The following SDK1 variants were observed in gnomAD, a reference collection of about 807,000 sequenced individuals.
SDK1 encodes the protein protein sidekick-1.
In SDK1, 157 loss-of-function variants were observed where a neutral mutation model predicts 245.5. The ratio of observed to expected loss-of-function variants is 0.64; its 90% CI spans 0.56 to 0.73. The LOEUF (loss-of-function observed/expected upper bound fraction) is 0.73. Among genes scored for constraint, SDK1 ranks in the 30% least tolerant of loss-of-function variants. The probability of loss-of-function intolerance (pLI) is 0.00; values close to 1 mark genes in which losing one functional copy is unlikely to be tolerated. For synonymous variants in SDK1, 1,647 were observed against 1,278.5 expected (o/e 1.29, Z -6.15); for missense variants, 3,583 against 3,002.3 (o/e 1.19, Z -4.52).
At chr7:3,613,829 G>A (rs1781679779) in intron 1 of SDK1, among the ~76,000 whole-genome samples, 2 of 152,172 alleles carry the variant, frequency 1.3e-5, no homozygotes, top group South Asian at 2.1e-4. Flanking sequence ...TTTGCAGGGA[G>A]ATGGATGGAG....
At position 3,820,607 on chromosome 7, in the gene SDK1, A is replaced by G. The variant is rs1053662893; in HGVS notation, c.714-843A>G. On this transcript the variant is annotated intron_variant, in intron 4 of 44. Coordinates refer to ENST00000404826, the MANE Select transcript of SDK1 (RefSeq NM_152744.4). Reference sequence around the variant, plus strand: ...TTTCTTGTTTTTATTCTTTTTTAAAAATTAAGTAGTATAATGAGAGTCTTT... The same window carrying G: ...TTTCTTGTTTTTATTCTTTTTTAAAGATTAAGTAGTATAATGAGAGTCTTT... 2.6e-5 allele frequency among the ~76,000 whole-genome samples: 4 copies of G among 152,222 alleles called. No individual in the cohort carries two copies. In the East Asian group the frequency reaches 7.7e-4, roughly 29 times the overall value.
intron 35 of SDK1, among the ~76,000 whole-genome samples, chr7:4,204,835 G>C (rs1467909483): frequency 6.6e-6 from 1 of 152,218 alleles, no homozygotes; most frequent in African/African-American, 2.4e-5. Context: ...GAGTAGCAGA[G>C]AATAGGCCGT....
chr7:4,024,033 T>C (rs1355166482), intron 17 of SDK1, among the ~76,000 whole-genome samples: 2 of 152,262 alleles, frequency 1.3e-5, no homozygotes, highest in Non-Finnish European at 2.9e-5. Flanking sequence ...TAAATCATCA[T>C]TCTGAGCACA....
intron 5 of SDK1, among the ~76,000 whole-genome samples, chr7:3,824,466 G>C (rs553155131): frequency 6.6e-6 from 1 of 152,260 alleles, no homozygotes; most frequent in African/African-American, 2.4e-5. Context: ...TAAATTCCTG[G>C]TGGATTGTGC....
At chr7:3,572,024 A>G (rs1313903051) in intron 1 of SDK1, among the ~76,000 whole-genome samples, 2 of 152,178 alleles carry the variant, frequency 1.3e-5, no homozygotes, top group Admixed American at 1.3e-4. Flanking sequence ...CGTACACAAG[A>G]TTACTTGGCT....
At position 4,130,059 on chromosome 7, in the gene SDK1, C is replaced by G. The variant is rs1277218442; in HGVS notation, c.4091C>G (p.Pro1364Arg). 1.2e-6 allele frequency: 2 copies of G among 1,611,472 alleles called. No homozygotes were observed. Among genetic ancestry groups the G allele is most frequent in the Non-Finnish European group, 1.7e-6 (2 of 1,178,640 alleles). ...LAFTRIGNGVPSTPLILERTK... is the reference protein window; with the variant it reads ...LAFTRIGNGVRSTPLILERTK... ...TTCACCCGCATCGGGAACGGGGTCC[C>G]CAGCACGCCCCTCATCCTGGAGCGC... The change falls in exon 27 of 45, where the codon CCC becomes CGC. Residue 1364 changes from proline to arginine, a missense_variant. By Grantham distance (103) the Pro-to-Arg change is moderately radical. Coordinates refer to ENST00000404826, the MANE Select transcript of SDK1 (RefSeq NM_152744.4).
intron 4 of SDK1, among the ~76,000 whole-genome samples, chr7:3,665,190 A>G (rs1292446535): frequency 6.6e-6 from 1 of 152,152 alleles, no homozygotes; most frequent in Admixed American, 6.5e-5. Context: ...TGCCTCCTCA[A>G]CAGGAGACCC....
intron 41 of SDK1, among the ~76,000 whole-genome samples, chr7:4,236,879 C>G (rs1006803303): frequency 2.0e-5 from 3 of 152,136 alleles, no homozygotes; most frequent in Non-Finnish European, 2.9e-5. Context: ...TCCATCCTCA[C>G]TTTAACCCAC....
chr7:3,637,490 C>T (rs1321189017), intron 2 of SDK1, among the ~76,000 whole-genome samples: 1 of 152,238 alleles, frequency 6.6e-6, no homozygotes, highest in Non-Finnish European at 1.5e-5. Context: ...CTCAATTACT[C>T]TACCATCTTG....
chr7:4,212,182 TAA>T (rs906693571), intron 38 of SDK1, among the ~76,000 whole-genome samples: 3 of 152,258 alleles, frequency 2.0e-5, no homozygotes, highest in Non-Finnish European at 4.4e-5. Context: ...AAAGCCGTGA[TAA>T]AAGTTTCCTT....
At chr7:3,320,006 C>T (rs1779761901) in intron 1 of SDK1, among the ~76,000 whole-genome samples, 1 of 151,036 alleles carries the variant, frequency 6.6e-6, no homozygotes, top group Admixed American at 6.6e-5. Context: ...ATAGAATTGC[C>T]TGGATGTGGT....
intron 1 of SDK1, among the ~76,000 whole-genome samples, chr7:3,527,797 AG>A (rs1270519944): frequency 5.2e-5 from 7 of 135,134 alleles, no homozygotes; most frequent in Non-Finnish European, 1.1e-4. Context: ...AGCCAGCTAG[AG>A]GGTGAATGTT....
intron 44 of SDK1, among the ~76,000 whole-genome samples, chr7:4,250,405 A>G (rs1481942589): frequency 1.3e-5 from 2 of 151,944 alleles, no homozygotes; most frequent in African/African-American, 2.4e-5. Context: ...GTGCAGTGGC[A>G]TGATCTCAGC....
At chr7:3,835,066 G>A (rs1780000268) in intron 5 of SDK1, among the ~76,000 whole-genome samples, 1 of 152,128 alleles carries the variant, frequency 6.6e-6, no homozygotes, top group African/African-American at 2.4e-5. Context: ...TCGCACTCAA[G>A]ACTCTTGAGA....
intron 1 of SDK1, among the ~76,000 whole-genome samples, chr7:3,599,755 G>C (rs956073259): frequency 2.0e-5 from 3 of 152,058 alleles, no homozygotes; most frequent in Admixed American, 6.6e-5. Context: ...TCAAAAGTCA[G>C]TTGGCTGCCT....
At chr7:3,882,862 A>G (rs1781240628) in intron 5 of SDK1, among the ~76,000 whole-genome samples, 1 of 152,104 alleles carries the variant, frequency 6.6e-6, no homozygotes, top group Non-Finnish European at 1.5e-5. Context: ...CCTCTGAGTT[A>G]CTCTATTGAC....
intron 35 of SDK1, chr7:4,179,234 T>C (rs1490302142): frequency 6.6e-6 from 1 of 152,276 alleles, no homozygotes; most frequent in Non-Finnish European, 1.5e-5. Context: ...CGCTGGCTGG[T>C]GACTTTAAAG....
chr7:3,667,993 A>G (rs1034348481), intron 4 of SDK1, among the ~76,000 whole-genome samples: 1 of 152,148 alleles, frequency 6.6e-6, no homozygotes, highest in East Asian at 1.9e-4. Flanking sequence ...GTGTATGTTT[A>G]TTTAACTTTA....
intron 4 of SDK1, among the ~76,000 whole-genome samples, chr7:3,670,032 A>C (rs12533425): frequency 0.38 from 57,626 of 151,974 alleles, 11,765 homozygotes; most frequent in African/African-American, 0.52. Flanking sequence ...ATTGTACCAC[A>C]TGTTATCCCA....
Sources: allele counts gnomAD v4.1 joint callset (sites outside exome capture counted in the v4.1 genomes callset), GRCh38; gene constraint gnomAD v4.1.1; transcripts MANE v1.5; gene names NCBI Gene and HGNC (gene_info 2026-07-23, HGNC 2026-07-21).